Variants in QRFPR observed in about 807,000 individuals in gnomAD.
The protein encoded by QRFPR is pyroglutamylated RF-amide peptide receptor.
Under a neutral mutation model 31.3 loss-of-function variants are expected in QRFPR, and 37 were observed. That is an observed-to-expected ratio of 1.18 (90% CI 0.91 to 1.56). The LOEUF (loss-of-function observed/expected upper bound fraction) is 1.56, where lower values mean the gene tolerates loss of function less well. QRFPR is among the 40% of genes most tolerant of loss of function. The pLI, the probability that QRFPR is intolerant of heterozygous loss-of-function variation, is 0.00. For missense variants in QRFPR, 542 were observed against 532.5 expected (o/e 1.02, Z -0.18); for synonymous variants, 197 against 192.0 (o/e 1.03, Z -0.22).
At chr4:121,369,421 G>T in intron 1 of QRFPR, 1 of 784,026 alleles carries the variant, frequency 1.3e-6, no homozygotes, top group Non-Finnish European at 2.1e-6. Flanking sequence ...TCCCTGGAAA[G>T]AAAGGGCTCT....
At chr4:121,360,837 T>C (rs1725974713) in intron 1 of QRFPR, among the ~76,000 whole-genome samples, 1 of 152,110 alleles carries the variant, frequency 6.6e-6, no homozygotes, top group South Asian at 2.1e-4. Flanking sequence ...CCACATCCCC[T>C]CTGAATGCCA....
chr4:121,339,657 C>T (rs1460421858), intron 2 of QRFPR, among the ~76,000 whole-genome samples: 2 of 152,030 alleles, frequency 1.3e-5, no homozygotes, highest in Non-Finnish European at 2.9e-5. Context: ...ACCTGCCTGG[C>T]CAGGTGCAGT....
chr4:121,329,399 G>C lies in QRFPR; in HGVS notation c.1211C>G (p.Thr404Arg). ...TCGTTTGAGCTTTTTCTTCTCCTCT[G>C]TCTGTTCACACAATTTGACTTCAAT... is the stretch of plus-strand genomic sequence containing the variant. The part of the protein sequence containing the change: ...GNIEVKLCEQ[T>R]EEKKKLKRHL... Residue 404 changes from threonine to arginine, a missense_variant, in exon 6 of 6, where the codon ACA (threonine) becomes AGA (arginine). Coordinates refer to ENST00000394427, the MANE Select transcript of QRFPR (RefSeq NM_198179.3). The C allele has an allele frequency of 6.2e-7, 1 of 1,614,038 alleles. No homozygotes were observed. Among genetic ancestry groups the C allele is most frequent in the Non-Finnish European group, 8.5e-7 (1 of 1,179,944 alleles).
chr4:121,362,765 C>A (rs1027414074), intron 1 of QRFPR, among the ~76,000 whole-genome samples: 1 of 149,830 alleles, frequency 6.7e-6, no homozygotes, highest in Non-Finnish European at 1.5e-5. Context: ...TGGACTTCCA[C>A]AGGAAAAATA....
intron 2 of QRFPR, among the ~76,000 whole-genome samples, chr4:121,338,825 C>T (rs1271385672): frequency 6.6e-6 from 1 of 152,216 alleles, no homozygotes; most frequent in African/African-American, 2.4e-5. Context: ...ACTGCCTTGA[C>T]TGCCTATTAT....
chr4:121,360,087 G>A (rs71602328), intron 1 of QRFPR, among the ~76,000 whole-genome samples: 39,143 of 151,896 alleles, frequency 0.26, 5,716 homozygotes, highest in Non-Finnish European at 0.34. Context: ...AATTTATTGT[G>A]TACAATGAGT....
chr4:121,362,713 T>C (rs576550972), intron 1 of QRFPR, among the ~76,000 whole-genome samples: 2 of 149,682 alleles, frequency 1.3e-5, no homozygotes, highest in East Asian at 2.0e-4. Context: ...GACAAGAAAA[T>C]GGAGAAAAGA....
chr4:121,354,298 G>T (rs1579579984), intron 1 of QRFPR, among the ~76,000 whole-genome samples: 2 of 152,070 alleles, frequency 1.3e-5, no homozygotes, highest in South Asian at 2.1e-4. Context: ...ATTGCTTTGG[G>T]CAGTATGAAC....
At chr4:121,353,565 T>C (rs865777878) in intron 1 of QRFPR, among the ~76,000 whole-genome samples, 1 of 148,136 alleles carries the variant, frequency 6.8e-6, no homozygotes, top group African/African-American at 2.7e-5. Context: ...AATCAGATTG[T>C]TTATCTCCTA....
At chr4:121,379,882 T>G (rs1041669735) in intron 1 of QRFPR, among the ~76,000 whole-genome samples, 6 of 152,140 alleles carry the variant, frequency 3.9e-5, no homozygotes, top group Non-Finnish European at 5.9e-5. Flanking sequence ...TTATTTGAAA[T>G]ATTTTTATCT....
intron 1 of QRFPR, among the ~76,000 whole-genome samples, chr4:121,362,338 T>C (rs1322742195): frequency 7.3e-6 from 1 of 137,342 alleles, no homozygotes; most frequent in Non-Finnish European, 1.7e-5. Flanking sequence ...TCTATGTACC[T>C]TTATCCAGGA....
Position 121,381,009 on chromosome 4 carries a change from T to C in QRFPR, c.-362A>G. ...GTCCTGGCGCCTCTGGCTCCCCGCC[T>C]TCTGGCCATGCGATGCGGACGCCGG... On this transcript the variant is annotated 5_prime_UTR_variant, in exon 1 of 6. Transcript: ENST00000394427. The C allele has an allele frequency of 5.0e-6, 1 of 201,128 alleles. No homozygotes were observed. Among genetic ancestry groups the C allele is most frequent in the Non-Finnish European group, 9.9e-6 (1 of 100,950 alleles). 12.5% of individuals were successfully genotyped at this position (201,128 alleles called of 1,614,324 possible). A position where few individuals can be genotyped will look rare whatever the true frequency, so the allele number is the denominator to read the frequency against.
intron 1 of QRFPR, among the ~76,000 whole-genome samples, chr4:121,372,001 C>T (rs34662155): frequency 0.16 from 24,504 of 152,208 alleles, 2,539 homozygotes; most frequent in Non-Finnish European, 0.24. Context: ...ATGGGTTGCC[C>T]TGCTGGGGAG....
intron 1 of QRFPR, among the ~76,000 whole-genome samples, chr4:121,356,585 G>A (rs572726280): frequency 6.6e-6 from 1 of 152,292 alleles, no homozygotes; most frequent in African/African-American, 2.4e-5. Flanking sequence ...GAGATTGAGT[G>A]TCATGATCTA....
At position 121,329,433 on chromosome 4, in the gene QRFPR, C is replaced by G; in HGVS notation, c.1177G>C (p.Asp393His). The change falls in exon 6 of 6, where the codon GAT (aspartate) becomes CAT (histidine). Residue 393 changes from aspartate to histidine, a missense_variant. Asp to His is a moderately conservative substitution (Grantham distance 81). Coordinates refer to ENST00000394427, the MANE Select transcript of QRFPR (RefSeq NM_198179.3). ...CACAATTTGACTTCAATGTTGCCAT[C>G]ACTGAATGCTTCTCCTTTGGTTTCC... ...VEETKGEAFS[D>H]GNIEVKLCEQ... is the part of the protein sequence containing the mutation. 6.2e-7 allele frequency: 1 copy of G among 1,614,158 alleles called. No homozygotes were observed. Among genetic ancestry groups the G allele is most frequent in the African/African-American group, 1.3e-5 (1 of 75,072 alleles).
At chr4:121,380,246 A>ATC in intron 1 of QRFPR, 62 bp downstream of exon 1, 1 of 1,093,706 alleles carries the variant, frequency 9.1e-7, no homozygotes, top group Non-Finnish European at 1.3e-6. Context: ...AGAGAGAGAG[A>ATC]GATCCCCTGA....
chr4:121,370,003 T>C, intron 1 of QRFPR: 1 of 767,832 alleles, frequency 1.3e-6, no homozygotes, highest in South Asian at 1.4e-5. Context: ...AAAGCTTTCC[T>C]GGGTCTGTTT....
intron 1 of QRFPR, among the ~76,000 whole-genome samples, chr4:121,368,812 C>T (rs1726175727): frequency 6.6e-6 from 1 of 150,742 alleles, no homozygotes; most frequent in African/African-American, 2.4e-5. Flanking sequence ...CACAAACATT[C>T]TTTACCTAGT....
In QRFPR at chr4:121,336,776, A is replaced by G. The variant is rs955299391; in HGVS notation, c.561+31T>C. ...AAGAGGGGTGAGAAAATAGTTCAACAATATGATTATACATCTCAACTGGAG... is the reference window on the plus strand; with the variant it reads ...AAGAGGGGTGAGAAAATAGTTCAACGATATGATTATACATCTCAACTGGAG... On this transcript the variant is annotated intron_variant, in intron 3 of 5. Coordinates refer to ENST00000394427, the MANE Select transcript of QRFPR (RefSeq NM_198179.3). 3 of 1,529,618 alleles carry G rather than the reference A, an allele frequency of 2.0e-6. No homozygotes were observed. The African/African-American group carries it at 4.1e-5, about 21-fold the overall frequency. 94.8% of individuals were successfully genotyped at this position (1,529,618 alleles called of 1,614,324 possible).
Sources: allele counts gnomAD v4.1 joint callset (sites outside exome capture counted in the v4.1 genomes callset), GRCh38; gene constraint gnomAD v4.1.1; transcripts MANE v1.5; gene names NCBI Gene and HGNC (gene_info 2026-07-23, HGNC 2026-07-21).